CCSER1: variants seen among roughly 807,000 people sequenced by gnomAD.
CCSER1 encodes the protein serine-rich coiled-coil domain-containing protein 1.
A neutral mutation model predicts 82.0 loss-of-function variants in CCSER1; 41 were observed. The ratio of observed to expected loss-of-function variants is 0.50; its 90% CI spans 0.39 to 0.65. CCSER1 has a LOEUF of 0.65. Ranked by LOEUF, CCSER1 falls within the 30% of genes least tolerant of loss-of-function variation. The probability of loss-of-function intolerance (pLI) is 0.00; values close to 1 mark genes in which losing one functional copy is unlikely to be tolerated. For missense variants in CCSER1, 1,119 were observed against 1,064.2 expected (o/e 1.05, Z -0.72); for synonymous variants, 414 against 383.9 (o/e 1.08, Z -0.92).
At chr4:90,134,219 A>G (rs1723278533) in intron 1 of CCSER1, among the ~76,000 whole-genome samples, 1 of 152,166 alleles carries the variant, frequency 6.6e-6, no homozygotes, top group Non-Finnish European at 1.5e-5. Flanking sequence ...TTGATTTTTA[A>G]AGTGATAATG....
intron 10 of CCSER1, among the ~76,000 whole-genome samples, chr4:91,210,493 G>A (rs1348121474): frequency 6.6e-6 from 1 of 150,838 alleles, no homozygotes; most frequent in Non-Finnish European, 1.5e-5. Context: ...ACAATTGGAA[G>A]TGAGACAAAT....
chr4:90,990,329 A>G lies in CCSER1; in HGVS notation c.2172+66882A>G, dbSNP rs570109182. Among the ~76,000 whole-genome samples, 38 of 152,056 alleles carry G rather than the reference A, an allele frequency of 2.5e-4. No individual in the cohort carries two copies. The South Asian group carries it at 7.5e-3, about 30-fold the overall frequency. ...CTCACTGGGGCAAAATGTACCATAT[A>G]GTAAAGCCATGTTCTTCTTAAAATA... On this transcript the variant is annotated intron_variant, in intron 9 of 10. Coordinates refer to ENST00000509176, the MANE Select transcript of CCSER1 (RefSeq NM_001145065.2).
intron 9 of CCSER1, among the ~76,000 whole-genome samples, chr4:90,933,315 G>C (rs1327548251): frequency 6.6e-6 from 1 of 151,508 alleles, no homozygotes; most frequent in Non-Finnish European, 1.5e-5. Flanking sequence ...AGCCTCCTGA[G>C]TAGCTGGGAC....
intron 5 of CCSER1, among the ~76,000 whole-genome samples, chr4:90,569,243 A>G (rs1021346588): frequency 1.3e-5 from 2 of 152,182 alleles, no homozygotes; most frequent in Non-Finnish European, 2.9e-5. Context: ...GAAAAAAAAA[A>G]CATAACTCTG....
At chr4:90,671,013 T>G (rs1312968247) in intron 6 of CCSER1, among the ~76,000 whole-genome samples, 1 of 152,094 alleles carries the variant, frequency 6.6e-6, no homozygotes, top group Non-Finnish European at 1.5e-5. Flanking sequence ...TGCAGCCTAT[T>G]AAGTCTGTTA....
intron 6 of CCSER1, among the ~76,000 whole-genome samples, chr4:90,711,136 G>T (rs1740531229): frequency 6.6e-6 from 1 of 151,942 alleles, no homozygotes; most frequent in African/African-American, 2.4e-5. Flanking sequence ...CTGCTTGCCT[G>T]TTGTTAGTAT....
chr4:90,160,130 A>T (rs754783061), intron 1 of CCSER1, among the ~76,000 whole-genome samples: 2 of 152,214 alleles, frequency 1.3e-5, no homozygotes, highest in African/African-American at 2.4e-5. Flanking sequence ...ACTCCATAGT[A>T]GTTGTTGCAC....
chr4:91,301,967 TTTCC>T (rs950909856), intron 10 of CCSER1, among the ~76,000 whole-genome samples: 8 of 139,334 alleles, frequency 5.7e-5, no homozygotes, highest in South Asian at 2.3e-4. Context: ...TCTTTCCTTC[TTTCC>T]TTCCTTCCTT....
chr4:90,313,897 A>G (rs1027602446), intron 3 of CCSER1, among the ~76,000 whole-genome samples: 1 of 152,222 alleles, frequency 6.6e-6, no homozygotes, highest in Non-Finnish European at 1.5e-5. Flanking sequence ...GTTCCTTAAA[A>G]TAATCTTTCT....
At chr4:90,610,184 C>T (rs939922809) in intron 5 of CCSER1, among the ~76,000 whole-genome samples, 4 of 151,702 alleles carry the variant, frequency 2.6e-5, no homozygotes, top group African/African-American at 7.3e-5. Flanking sequence ...ACCCAGGAGG[C>T]GGAGCTTGCA....
chr4:91,178,997 TG>T (rs1458093605), intron 10 of CCSER1, among the ~76,000 whole-genome samples: 8 of 152,322 alleles, frequency 5.3e-5, no homozygotes, highest in Admixed American at 2.6e-4. Context: ...GCAGGCCTGG[TG>T]GTGACAAAAT....
intron 10 of CCSER1, among the ~76,000 whole-genome samples, chr4:91,172,022 A>G (rs1732817181): frequency 6.6e-6 from 1 of 152,094 alleles, no homozygotes; most frequent in Admixed American, 6.6e-5. Context: ...CTATTATTCA[A>G]TAACATTATA....
At chr4:91,258,419 G>C (rs6843704) in intron 10 of CCSER1, among the ~76,000 whole-genome samples, 30,438 of 151,862 alleles carry the variant, frequency 0.2, 3,390 homozygotes, top group East Asian at 0.34. Context: ...CTTTCCCAAA[G>C]CTATGCTTCC....
At chr4:91,359,741 T>A (rs12511436) in intron 10 of CCSER1, among the ~76,000 whole-genome samples, 42,081 of 151,578 alleles carry the variant, frequency 0.28, 6,625 homozygotes, top group Middle Eastern at 0.44. Flanking sequence ...TGATTTTTTT[T>A]AAGAAAATTA....
chr4:90,223,099 A>G (rs757444993), intron 1 of CCSER1, among the ~76,000 whole-genome samples: 76 of 152,054 alleles, frequency 5.0e-4, no homozygotes, highest in Non-Finnish European at 1.6e-4. Context: ...GTGTAACTAC[A>G]CTCATCTCCC....
rs112180531 is a variant in CCSER1, at chr4:90,301,417, A to G, written c.-41-6827A>G. ...AAGCCTTTTGTTAAATCCTGGTGCT[A>G]AAGAACAAAAGTACTGTTTCTTCAG... On this transcript the variant is annotated intron_variant, in intron 1 of 10. Transcript: ENST00000509176. Among the ~76,000 whole-genome samples the G allele has an allele frequency of 2.7e-3, 411 of 152,278 alleles. 3 individuals carry two copies. Among genetic ancestry groups the G allele is most frequent in the African/African-American group, 9.4e-3 (392 of 41,572 alleles).
chr4:91,443,139 C>G (rs1299810304), intron 10 of CCSER1, among the ~76,000 whole-genome samples: 1 of 151,944 alleles, frequency 6.6e-6, no homozygotes, highest in Admixed American at 6.6e-5. Flanking sequence ...ACCCAAAGGA[C>G]TATAAATCAT....
At chr4:90,476,860 T>G (rs1765190419) in intron 5 of CCSER1, among the ~76,000 whole-genome samples, 1 of 152,116 alleles carries the variant, frequency 6.6e-6, no homozygotes, top group South Asian at 2.1e-4. Context: ...CTTTGTACAT[T>G]GAGCACACAA....
At chr4:91,102,303 G>A (rs1479598458) in intron 10 of CCSER1, among the ~76,000 whole-genome samples, 3 of 152,166 alleles carry the variant, frequency 2.0e-5, no homozygotes, top group African/African-American at 7.2e-5. Flanking sequence ...ATCCAGGCTG[G>A]GTTAGTTAAA....
Sources: allele counts gnomAD v4.1 joint callset (sites outside exome capture counted in the v4.1 genomes callset), GRCh38; gene constraint gnomAD v4.1.1; transcripts MANE v1.5; gene names NCBI Gene and HGNC (gene_info 2026-07-23, HGNC 2026-07-21).